FYN: variants seen among roughly 807,000 people sequenced by gnomAD.
The protein encoded by FYN is FYN proto-oncogene, Src family tyrosine kinase, also known as tyrosine-protein kinase Fyn.
A neutral mutation model predicts 70.2 loss-of-function variants in FYN; 10 were observed. The observed-to-expected ratio is 0.14, with a 90% CI of 0.09 to 0.24. The LOEUF is 0.24. FYN is among the 10% of genes least tolerant of loss of function. The pLI is 1.00. For missense variants in FYN, 319 were observed against 673.1 expected (o/e 0.47, Z 5.82); for synonymous variants, 236 against 248.6 (o/e 0.95, Z 0.48).
At chr6:111,707,042 C>G (rs913451656) in intron 6 of FYN, among the ~76,000 whole-genome samples, 1 of 152,194 alleles carries the variant, frequency 6.6e-6, no homozygotes, top group African/African-American at 2.4e-5. Flanking sequence ...CCCTCTTGCA[C>G]TACTTAAACA....
intron 12 of FYN, among the ~76,000 whole-genome samples, chr6:111,691,750 G>A (rs1799327517): frequency 6.6e-6 from 1 of 152,178 alleles, no homozygotes; most frequent in African/African-American, 2.4e-5. Flanking sequence ...AAAATAAAGG[G>A]GAAAAGGGAT....
At chr6:111,761,266 A>G (rs1339047461) in intron 3 of FYN, among the ~76,000 whole-genome samples, 2 of 152,252 alleles carry the variant, frequency 1.3e-5, no homozygotes, top group Non-Finnish European at 2.9e-5. Context: ...TAAGAAGTTA[A>G]GCCACTTTCC....
rs1045464608 is a variant in FYN at position 111,665,512 on chromosome 6, T to G, written c.1406-3565A>C. Among the ~76,000 whole-genome samples the G allele has an allele frequency of 1.8e-4, 27 of 152,204 alleles. 1 individual carries two copies. The East Asian group carries it at 4.8e-3, about 27-fold the overall frequency. On this transcript the variant is annotated intron_variant, in intron 13 of 13. Coordinates refer to ENST00000354650, the MANE Select transcript of FYN (RefSeq NM_002037.5). The stretch of plus-strand genomic sequence containing the variant: ...TTGGCTTTACCTAATACCTGAGAGG[T>G]GAAGGATAGTGAATAGGAAGGGAAT...
chr6:111,863,239 C>T (rs79573856), intron 1 of FYN, among the ~76,000 whole-genome samples: 338 of 152,276 alleles, frequency 2.2e-3, no homozygotes, highest in Middle Eastern at 0.014. Context: ...ACTCAGACAG[C>T]AACTAGAGAA....
intron 3 of FYN, among the ~76,000 whole-genome samples, chr6:111,743,094 G>A (rs1802055201): frequency 6.6e-6 from 1 of 151,904 alleles, no homozygotes. Context: ...AGCCTCCCGA[G>A]TAGCTGGAAC....
At chr6:111,712,902 T>C (rs1800452731) in intron 5 of FYN, among the ~76,000 whole-genome samples, 1 of 152,170 alleles carries the variant, frequency 6.6e-6, no homozygotes, top group Admixed American at 6.5e-5. Context: ...AATTTATCAT[T>C]TTAATCATTT....
chr6:111,865,082 C>T (rs1774067854), intron 1 of FYN, among the ~76,000 whole-genome samples: 1 of 152,182 alleles, frequency 6.6e-6, no homozygotes, highest in Admixed American at 6.5e-5. Flanking sequence ...AGGCCAGAAA[C>T]AAGTAGTCCT....
Position 111,701,244 on chromosome 6 carries a change from G to A in FYN, c.698-976C>T, listed in dbSNP as rs2128443823. 2.0e-5 allele frequency among the ~76,000 whole-genome samples: 3 copies of A among 152,170 alleles called. No homozygotes were observed. In the Middle Eastern group the frequency reaches 0.01, roughly 518 times the overall value. On this transcript the variant is annotated intron_variant, in intron 8 of 13. Coordinates refer to ENST00000354650, the MANE Select transcript of FYN (RefSeq NM_002037.5). ...TGGCAGTGCTAAGGGGAACTTAAAT[G>A]CCAAGTAAAAATCAGTCAGGCGAAA...
chr6:111,720,580 C>T (rs1800886215), intron 3 of FYN, among the ~76,000 whole-genome samples: 1 of 152,152 alleles, frequency 6.6e-6, no homozygotes, highest in Non-Finnish European at 1.5e-5. Flanking sequence ...ACCACATCTT[C>T]AGGCACAAAA....
intron 1 of FYN, among the ~76,000 whole-genome samples, chr6:111,855,790 T>G (rs1008589315): frequency 1.3e-5 from 2 of 152,230 alleles, no homozygotes; most frequent in Non-Finnish European, 1.5e-5. Context: ...GTTCAGCTTT[T>G]GAAGCCTGTA....
At chr6:111,736,180 G>A (rs1254365436) in intron 3 of FYN, among the ~76,000 whole-genome samples, 1 of 152,210 alleles carries the variant, frequency 6.6e-6, no homozygotes, top group Non-Finnish European at 1.5e-5. Context: ...TGAATGTGAG[G>A]TCACAGGGGA....
intron 8 of FYN, among the ~76,000 whole-genome samples, 161 bp from the exon 9 acceptor site, chr6:111,700,429 C>T (rs1054583390): frequency 6.6e-6 from 1 of 151,972 alleles, no homozygotes; most frequent in Non-Finnish European, 1.5e-5. Flanking sequence ...TAGCAGCACA[C>T]AGCGCTCCTT....
At chr6:111,706,784 C>T (rs1269075008) in intron 6 of FYN, among the ~76,000 whole-genome samples, 1 of 152,086 alleles carries the variant, frequency 6.6e-6, no homozygotes, top group Non-Finnish European at 1.5e-5. Context: ...CAGGGTAATG[C>T]TACATTTTGG....
chr6:111,800,992 T>G (rs1771965780), intron 2 of FYN, among the ~76,000 whole-genome samples: 1 of 152,228 alleles, frequency 6.6e-6, no homozygotes, highest in Non-Finnish European at 1.5e-5. Context: ...CACCTTACAC[T>G]TCCTTACATT....
At chr6:111,802,575 G>A (rs983838741) in intron 2 of FYN, among the ~76,000 whole-genome samples, 2 of 152,036 alleles carry the variant, frequency 1.3e-5, no homozygotes, top group Admixed American at 6.6e-5. Flanking sequence ...GGGACTACAG[G>A]TGCCTGCTAT....
intron 5 of FYN, among the ~76,000 whole-genome samples, chr6:111,714,064 G>A (rs1205220442): frequency 2.0e-5 from 3 of 152,188 alleles, no homozygotes; most frequent in African/African-American, 7.2e-5. Context: ...TGTGGAGAGC[G>A]ATGCTGGTGA....
intron 9 of FYN, among the ~76,000 whole-genome samples, chr6:111,697,277 C>A (rs1799614945): frequency 6.6e-6 from 1 of 152,206 alleles, no homozygotes; most frequent in Non-Finnish European, 1.5e-5. Context: ...TTTTGGGTCT[C>A]TTTCAGCCCC....
intron 3 of FYN, among the ~76,000 whole-genome samples, chr6:111,767,043 C>T (rs1375387401): frequency 1.3e-5 from 2 of 152,132 alleles, no homozygotes; most frequent in African/African-American, 2.4e-5. Flanking sequence ...ACCCCAACAT[C>T]GACTATATTT....
chr6:111,783,194 A>G (rs1164065997), intron 2 of FYN, among the ~76,000 whole-genome samples: 1 of 152,188 alleles, frequency 6.6e-6, no homozygotes. Flanking sequence ...ATAGAGCATA[A>G]TGACTTTCTC....
Sources: gnomAD v4.1 joint callset for allele counts (sites outside exome capture counted in the v4.1 genomes callset) on GRCh38, gnomAD v4.1.1 for gene constraint, MANE v1.5 for transcripts, NCBI Gene and HGNC (gene_info 2026-07-23, HGNC 2026-07-21) for gene names.